ACTR5: variants seen among roughly 807,000 people sequenced by gnomAD.
ACTR5 encodes the protein actin related protein 5.
ACTR5 carries 43 observed loss-of-function variants against 61.2 expected under a neutral mutation model. The ratio of observed to expected loss-of-function variants is 0.70; its 90% CI spans 0.55 to 0.91. The LOEUF (loss-of-function observed/expected upper bound fraction) is 0.91, where lower values mean the gene tolerates loss of function less well. ACTR5 is among the 40% of genes least tolerant of loss of function. ACTR5 has a pLI of 0.00. For synonymous variants in ACTR5, 333 were observed against 310.5 expected (o/e 1.07, Z -0.76); for missense variants, 798 against 782.2 (o/e 1.02, Z -0.24).
At chr20:38,758,374 C>G (rs191345864) in intron 5 of ACTR5, among the ~76,000 whole-genome samples, 4 of 152,144 alleles carry the variant, frequency 2.6e-5, no homozygotes, top group Non-Finnish European at 5.9e-5. Context: ...GGGCCGGGCA[C>G]GGTGGCTCAC....
chr20:38,755,226 A>C lies in ACTR5; in HGVS notation c.993+52A>C, dbSNP rs1333382209. 7.4e-6 allele frequency: 11 copies of C among 1,480,530 alleles called. No individual in the cohort carries two copies. The East Asian group carries it at 2.7e-4, about 36-fold the overall frequency. 91.7% of individuals were successfully genotyped at this position (1,480,530 alleles called of 1,614,324 possible). A position where few individuals can be genotyped will look rare whatever the true frequency, so the allele number is the denominator to read the frequency against. Reference sequence around the variant, plus strand: ...CCTTCCGTGTTAACAAGATAGTCTCAGAAGATTTTCTTGCATATTTTTCCA... The same window carrying C: ...CCTTCCGTGTTAACAAGATAGTCTCCGAAGATTTTCTTGCATATTTTTCCA... On this transcript the variant is annotated intron_variant, in intron 4 of 8. Coordinates refer to ENST00000243903, the MANE Select transcript of ACTR5 (RefSeq NM_024855.4).
chr20:38,754,971 C>A lies in ACTR5; in HGVS notation c.790C>A (p.Arg264=). The change falls in exon 4 of 9, where the codon CGG becomes AGG. Residue 264 remains arginine, a synonymous_variant. Transcript: ENST00000243903. ...TTTCTTTGAAGAATTACACAAATGG[C>A]GGTGTCCTGATTATTATGAGAATAA... ...EDYVEELHKW[R]CPDYYENNVH... The A allele has an allele frequency of 1.2e-6, 2 of 1,614,048 alleles. No homozygotes were observed. The highest frequency in any genetic ancestry group is 1.7e-6 in the Non-Finnish European group (2 of 1,179,962).
At chr20:38,770,716 C>G (rs1209122925) in intron 8 of ACTR5, among the ~76,000 whole-genome samples, 1 of 152,192 alleles carries the variant, frequency 6.6e-6, no homozygotes, top group Non-Finnish European at 1.5e-5. Flanking sequence ...GGGGTGGGGC[C>G]TCTGGTTATC....
rs1345870401 is a variant in ACTR5, at chr20:38,752,205, A to C, written c.680A>C (p.Gln227Pro). The change falls in exon 3 of 9, where the codon CAG becomes CCG. Residue 227 changes from glutamine to proline, a missense_variant. Coordinates refer to ENST00000243903, the MANE Select transcript of ACTR5 (RefSeq NM_024855.4). ...QAAGYLQRLL[Q>P]LKYPGHLAAI... ...GCTGGTTACCTCCAGCGTCTCCTCC[A>C]GCTGAAGTACCCTGGGCACCTGGCA... 1 of 1,614,056 alleles carries C rather than the reference A, an allele frequency of 6.2e-7. No homozygotes were observed. The highest frequency in any genetic ancestry group is 8.5e-7 in the Non-Finnish European group (1 of 1,179,998).
At chr20:38,760,055 G>A (rs2084444506) in intron 5 of ACTR5, among the ~76,000 whole-genome samples, 2 of 151,426 alleles carry the variant, frequency 1.3e-5, no homozygotes, top group African/African-American at 4.9e-5. Context: ...TTGAGAGGCT[G>A]AGGTGGGAGG....
At position 38,748,708 on chromosome 20, in the gene ACTR5, GC is replaced by G. The variant is rs1156775779; in HGVS notation, c.233del (p.Pro78ArgfsTer55). Reference protein sequence around the residue: ...RGRGGARGASGPQVGNALGSL... With the variant: ...RGRGGARGASXPQVGNALGSL... Reference sequence around the variant, plus strand: ...CGTGGCGGGGCACGGGGCGCGTCGGGCCCGCAGGTGGGGAACGCTCTGGGCA... The same window carrying G: ...CGTGGCGGGGCACGGGGCGCGTCGGGCCGCAGGTGGGGAACGCTCTGGGCA... On this transcript the variant is annotated frameshift_variant, in exon 1 of 9. Coordinates refer to ENST00000243903, the MANE Select transcript of ACTR5 (RefSeq NM_024855.4). LOFTEE classifies it high-confidence loss of function. 2 of 1,534,398 alleles carry G rather than the reference GC, an allele frequency of 1.3e-6. No individual in the cohort carries two copies. The highest frequency in any genetic ancestry group is 1.8e-6 in the Non-Finnish European group (2 of 1,142,332).
At chr20:38,762,890 A>G (rs2084463315) in intron 5 of ACTR5, among the ~76,000 whole-genome samples, 1 of 152,204 alleles carries the variant, frequency 6.6e-6, no homozygotes, top group Non-Finnish European at 1.5e-5. Context: ...GTCTGTAGTT[A>G]TTTTAAATAC....
At chr20:38,764,877 C>A (rs1021141854) in intron 5 of ACTR5, among the ~76,000 whole-genome samples, 5 of 152,216 alleles carry the variant, frequency 3.3e-5, no homozygotes, top group African/African-American at 1.2e-4. Flanking sequence ...ACTCTGTTGC[C>A]CACGCTGGTC....
chr20:38,753,633 G>A (rs978999174), intron 3 of ACTR5, among the ~76,000 whole-genome samples: 19 of 151,962 alleles, frequency 1.3e-4, no homozygotes, highest in Non-Finnish European at 1.3e-4. Context: ...ATGTCTTTCC[G>A]TCCTTCTACT....
intron 3 of ACTR5, among the ~76,000 whole-genome samples, chr20:38,754,179 G>A (rs143984859): frequency 4.1e-4 from 62 of 152,316 alleles, no homozygotes; most frequent in Non-Finnish European, 8.1e-4. Context: ...AAGGAGATTA[G>A]TCTGTTATGT....
Position 38,766,265 on chromosome 20 carries a change from C to T in ACTR5, c.1321C>T (p.Gln441Ter). The T allele has an allele frequency of 2.5e-6, 4 of 1,613,310 alleles. No individual in the cohort carries two copies. The highest frequency in any genetic ancestry group is 1.7e-4 in the Middle Eastern group (1 of 6,058). The stretch of plus-strand genomic sequence containing the variant: ...CGTGTTTAACTTGGCAGCATATCAT[C>T]AGCTATTTGTTGGGACAGAAAGAAT... Reference protein sequence around the residue: ...QPVFNLAAYHQLFVGTERIRA... With the variant: ...QPVFNLAAYH The change falls in exon 7 of 9, where the codon CAG becomes TAG. Residue 441 changes from glutamine (Q) to a stop codon, truncating the protein, a stop_gained. Transcript: ENST00000243903. LOFTEE classifies it high-confidence loss of function.
At chr20:38,758,412 C>T (rs796964324) in intron 5 of ACTR5, among the ~76,000 whole-genome samples, 24 of 152,102 alleles carry the variant, frequency 1.6e-4, no homozygotes, top group African/African-American at 5.3e-4. Flanking sequence ...TTTGGGAGGC[C>T]GAGGTGGGTG....
chr20:38,765,452 G>T lies in ACTR5; in HGVS notation c.1227G>T (p.Met409Ile). Residue 409 changes from methionine to isoleucine, a missense_variant, in exon 6 of 9, where the codon ATG (methionine) becomes ATT (isoleucine). Coordinates refer to ENST00000243903, the MANE Select transcript of ACTR5 (RefSeq NM_024855.4). ...LEPSLEDVES[M>I]NDFDPLFSEE... ...CGTCTTTGGAAGATGTGGAAAGCAT[G>T]AATGATTTTGATCCCTTGTTTTCAG... The T allele has an allele frequency of 6.2e-7, 1 of 1,614,182 alleles. No individual in the cohort carries two copies. The highest frequency in any genetic ancestry group is 1.1e-5 in the South Asian group (1 of 91,090).
At chr20:38,763,163 T>C (rs149663524) in intron 5 of ACTR5, among the ~76,000 whole-genome samples, 2 of 152,354 alleles carry the variant, frequency 1.3e-5, no homozygotes, top group Non-Finnish European at 2.9e-5. Flanking sequence ...CCTTCTGTTA[T>C]GTCACACTGC....
Position 38,766,292 on chromosome 20 carries a change from C to A in ACTR5, c.1348C>A (p.Arg450=), listed in dbSNP as rs767290783. The A allele has an allele frequency of 2.5e-6, 4 of 1,613,910 alleles. No individual in the cohort carries two copies. The South Asian group carries it at 4.4e-5, about 18-fold the overall frequency. The change falls in exon 7 of 9, where the codon CGA becomes AGA. Residue 450 remains arginine (R), a synonymous_variant. Transcript: ENST00000243903. ...HQLFVGTERI[R]APEIIFQPSL... is the part of the protein sequence containing the mutation. ...GCTATTTGTTGGGACAGAAAGAATT[C>A]GAGCTCCAGAGATTATTTTCCAGCC...
At chr20:38,763,585 C>T (rs531750620) in intron 5 of ACTR5, among the ~76,000 whole-genome samples, 17 of 152,340 alleles carry the variant, frequency 1.1e-4, no homozygotes, top group African/African-American at 4.1e-4. Context: ...AGAACTCCAG[C>T]TTAAGGCAGA....
rs145795751 is a variant in ACTR5, at chr20:38,758,272, G to GT, written c.1176+2234dup. On this transcript the variant is annotated intron_variant, in intron 5 of 8. Coordinates refer to ENST00000243903, the MANE Select transcript of ACTR5 (RefSeq NM_024855.4). Reference sequence around the variant, plus strand: ...GGTACCTACTTCATTTTATGCTCTGGTACACACATTTAAATCTCCTTGGGT... The same window carrying GT: ...GGTACCTACTTCATTTTATGCTCTGGTTACACACATTTAAATCTCCTTGGGT... Among the ~76,000 whole-genome samples the GT allele has an allele frequency of 5.5e-3, 832 of 152,170 alleles. 5 individuals are homozygous for GT. Among genetic ancestry groups the GT allele is most frequent in the African/African-American group, 0.019 (798 of 41,512 alleles).
In ACTR5 at chr20:38,772,297, G is replaced by A. The variant is rs8125582; in HGVS notation, c.*481G>A. 8,836 of 168,932 alleles carry A rather than the reference G, an allele frequency of 0.052. 292 individuals carry two copies. Among genetic ancestry groups the A allele is most frequent in the African/African-American group, 0.09 (3,768 of 41,836 alleles). The allele number at this position is 168,932 out of a possible 1,614,324, so 10.5% of individuals were successfully genotyped here. Reference sequence around the variant, plus strand: ...ATATAAAAAGGTAATGTTTATTGCCGGGCACAGTGGCACGTGCCTGTTAAG... The same window carrying A: ...ATATAAAAAGGTAATGTTTATTGCCAGGCACAGTGGCACGTGCCTGTTAAG... On this transcript the variant is annotated 3_prime_UTR_variant, in exon 9 of 9. Coordinates refer to ENST00000243903, the MANE Select transcript of ACTR5 (RefSeq NM_024855.4).
intron 8 of ACTR5, among the ~76,000 whole-genome samples, chr20:38,768,084 T>C (rs745416251): frequency 5.9e-5 from 9 of 152,194 alleles, no homozygotes; most frequent in Non-Finnish European, 1.0e-4. Flanking sequence ...CTAAGAAGCT[T>C]GGCCTTGGTC....
Sources: allele counts gnomAD v4.1 joint callset (sites outside exome capture counted in the v4.1 genomes callset), GRCh38; gene constraint gnomAD v4.1.1; transcripts MANE v1.5; gene names NCBI Gene and HGNC (gene_info 2026-07-23, HGNC 2026-07-21).